ABCA5: variants seen among roughly 807,000 people sequenced by gnomAD.
The protein encoded by ABCA5 is ATP binding cassette subfamily A member 5.
ABCA5 carries 163 observed loss-of-function variants against 206.0 expected under a neutral mutation model. The observed-to-expected ratio is 0.79, with a 90% CI of 0.70 to 0.90. The LOEUF (loss-of-function observed/expected upper bound fraction) is 0.90. Among genes scored for constraint, ABCA5 ranks in the 40% least tolerant of loss-of-function variants. The pLI is 0.00. For synonymous variants in ABCA5, 609 were observed against 613.8 expected (o/e 0.99, Z 0.11); for missense variants, 1,859 against 1,912.9 (o/e 0.97, Z 0.53).
At chr17:69,281,691 T>C (rs974594958) in intron 18 of ABCA5, among the ~76,000 whole-genome samples, 63 of 152,308 alleles carry the variant, frequency 4.1e-4, no homozygotes, top group African/African-American at 1.5e-3. Flanking sequence ...CAGTTAGCAA[T>C]GCTGACAAAT....
intron 15 of ABCA5, 138 bp from the exon 16 acceptor site, chr17:69,286,449 G>C (rs894716611): frequency 1.4e-6 from 1 of 713,058 alleles, no homozygotes; most frequent in South Asian, 1.9e-5. Context: ...TATGAGGATG[G>C]TACTAGATTA....
intron 19 of ABCA5, among the ~76,000 whole-genome samples, chr17:69,274,839 C>CTTTTTTTTATTTTTTTTTT (rs2075313058): frequency 2.3e-5 from 2 of 85,754 alleles, no homozygotes; most frequent in African/African-American, 4.4e-5. Context: ...TAACCATTTA[C>CTTTTTTTTATTTTTTTTTT]TTTTTTTTTT....
At chr17:69,300,174 A>C (rs1334474389) in intron 9 of ABCA5, among the ~76,000 whole-genome samples, 1 of 152,176 alleles carries the variant, frequency 6.6e-6, no homozygotes, top group East Asian at 1.9e-4. Flanking sequence ...TCTGGGGGTG[A>C]TGGGAGACAG....
At chr17:69,276,651 T>C (rs1474332461) in intron 19 of ABCA5, among the ~76,000 whole-genome samples, 1 of 151,934 alleles carries the variant, frequency 6.6e-6, no homozygotes, top group Non-Finnish European at 1.5e-5. Context: ...CCGGGGCCTG[T>C]TGGAGGGTTG....
intron 5 of ABCA5, among the ~76,000 whole-genome samples, 177 bp from the exon 6 acceptor site, chr17:69,307,131 T>G (rs746648771): frequency 2.6e-5 from 4 of 152,062 alleles, no homozygotes; most frequent in African/African-American, 9.7e-5. Context: ...GAGTAGAATA[T>G]TGCATTCAAT....
Position 69,251,813 on chromosome 17 carries a change from G to C in ABCA5, c.4469C>G (p.Thr1490Ser). The C allele has an allele frequency of 6.2e-7, 1 of 1,614,020 alleles. No individual in the cohort carries two copies. The highest frequency in any genetic ancestry group is 8.5e-7 in the Non-Finnish European group (1 of 1,179,986). Residue 1490 changes from threonine to serine, a missense_variant, in exon 35 of 39, where the codon ACT becomes AGT. Physicochemically the swap from Thr to Ser is moderately conservative, Grantham distance 58. Coordinates refer to ENST00000392676, the MANE Select transcript of ABCA5 (RefSeq NM_172232.4). ...AGCCTCTGCCTCCTCCATATAGTGA[G>C]TGGTCAGAATAGCAGCCCGCTTTCT... is the stretch of plus-strand genomic sequence containing the variant. ...KNRKRAAILT[T>S]HYMEEAEAVC...
At chr17:69,320,054 G>A (rs1393359907) in intron 1 of ABCA5, among the ~76,000 whole-genome samples, 1 of 152,138 alleles carries the variant, frequency 6.6e-6, no homozygotes, top group African/African-American at 2.4e-5. Flanking sequence ...TTGTTAAAAT[G>A]ACTAAAAGAA....
At chr17:69,270,476 T>A (rs562112055) in intron 22 of ABCA5, 137 bp downstream of exon 22, 2 of 758,818 alleles carry the variant, frequency 2.6e-6, no homozygotes, top group African/African-American at 3.7e-5. Flanking sequence ...GTAAACCGTT[T>A]CTCACTTGAG....
At chr17:69,280,776 T>C (rs950625635) in intron 18 of ABCA5, among the ~76,000 whole-genome samples, 1 of 151,620 alleles carries the variant, frequency 6.6e-6, no homozygotes, top group African/African-American at 2.4e-5. Context: ...CAGTAAACTA[T>C]TGCAAGAACA....
At chr17:69,310,898 C>T (rs2075762123) in intron 3 of ABCA5, among the ~76,000 whole-genome samples, 1 of 152,146 alleles carries the variant, frequency 6.6e-6, no homozygotes, top group African/African-American at 2.4e-5. Context: ...CATCAAAACG[C>T]TTTGTAGGCT....
rs2075529542 is a variant in ABCA5 at position 69,291,848 on chromosome 17, C to T, written c.1496-522G>A. On this transcript the variant is annotated intron_variant, in intron 11 of 38. Coordinates refer to ENST00000392676, the MANE Select transcript of ABCA5 (RefSeq NM_172232.4). ...ACTAGGCTGGCCAGGCACAGTGGCTCGTGCCTGTAATCCCAACACTTTGGG... is the reference window on the plus strand; with the variant it reads ...ACTAGGCTGGCCAGGCACAGTGGCTTGTGCCTGTAATCCCAACACTTTGGG... Among the ~76,000 whole-genome samples the T allele has an allele frequency of 5.9e-5, 9 of 152,208 alleles. 1 individual carries two copies. In the South Asian group the frequency reaches 1.7e-3, roughly 28 times the overall value.
intron 19 of ABCA5, among the ~76,000 whole-genome samples, chr17:69,275,177 T>C (rs1334177357): frequency 2.0e-5 from 3 of 152,152 alleles, no homozygotes; most frequent in South Asian, 4.1e-4. Context: ...AAAAATATTT[T>C]AGATATAGAG....
At chr17:69,271,540 G>A (rs1274322957) in intron 20 of ABCA5, among the ~76,000 whole-genome samples, 3 of 152,040 alleles carry the variant, frequency 2.0e-5, no homozygotes, top group Non-Finnish European at 2.9e-5. Flanking sequence ...GGTAAAATAA[G>A]TATATCTGCC....
rs540815712 is a variant in ABCA5, at chr17:69,261,287, T to C, written c.3430-28A>G. ...AAAGAAAAAAATAAATAAATAAAAG[T>C]GACAAAGTGTTTAGAAACTTCTTAC... On this transcript the variant is annotated intron_variant, in intron 25 of 38. Transcript: ENST00000392676. 184 of 1,572,878 alleles carry C rather than the reference T, an allele frequency of 1.2e-4. No homozygotes were observed. In the South Asian group the frequency reaches 2.1e-3, roughly 18 times the overall value.
chr17:69,250,623 T>C lies in ABCA5; in HGVS notation c.4536-2A>G. 6.5e-7 allele frequency: 1 copy of C among 1,536,976 alleles called. No individual in the cohort carries two copies. Among genetic ancestry groups the C allele is most frequent in the Non-Finnish European group, 8.7e-7 (1 of 1,147,538 alleles). On this transcript the variant is annotated splice_acceptor_variant, in intron 35 of 38. Transcript: ENST00000392676. LOFTEE classifies it high-confidence loss of function. ...AGATGTTGTACTGTTCCGATACATCTGAAGTAATTTTTTAAAAGAAAGCTC... is the reference window on the plus strand; with the variant it reads ...AGATGTTGTACTGTTCCGATACATCCGAAGTAATTTTTTAAAAGAAAGCTC...
rs551203411 is a variant in ABCA5, at chr17:69,313,014, T to C, written c.307+78A>G. 15 of 938,082 alleles carry C rather than the reference T, an allele frequency of 1.6e-5. No individual in the cohort carries two copies. In the East Asian group the frequency reaches 3.0e-4, roughly 19 times the overall value. 58.1% of individuals were successfully genotyped at this position (938,082 alleles called of 1,614,324 possible). ...ACATCTCTAAGTGTTAAGACTGCTA[T>C]TCATTCAATAAAGCAAGCTGATAAA... On this transcript the variant is annotated intron_variant, in intron 3 of 38. Transcript: ENST00000392676.
chr17:69,248,911 A>G (rs2074982273), intron 37 of ABCA5: 1 of 152,178 alleles, frequency 6.6e-6, no homozygotes, highest in Non-Finnish European at 1.5e-5. Context: ...AATATTTTGT[A>G]AAAACAGAGT....
chr17:69,247,296 C>T lies in ABCA5; in HGVS notation c.*241G>A, dbSNP rs2074961691. Reference sequence around the variant, plus strand: ...TGTTTCTGAATGGTGAAAAAGATGACATACAAACTATATAGTTCAATATAC... The same window carrying T: ...TGTTTCTGAATGGTGAAAAAGATGATATACAAACTATATAGTTCAATATAC... On this transcript the variant is annotated 3_prime_UTR_variant, in exon 39 of 39. Transcript: ENST00000392676. 6.6e-6 allele frequency: 2 copies of T among 300,772 alleles called. No individual in the cohort carries two copies. Among genetic ancestry groups the T allele is most frequent in the South Asian group, 1.9e-4 (2 of 10,592 alleles). 18.6% of individuals were successfully genotyped at this position (300,772 alleles called of 1,614,324 possible).
At chr17:69,274,839 C>CTGTTTT (rs2075312998) in intron 19 of ABCA5, among the ~76,000 whole-genome samples, 1 of 85,754 alleles carries the variant, frequency 1.2e-5, no homozygotes, top group Non-Finnish European at 2.2e-5. Flanking sequence ...TAACCATTTA[C>CTGTTTT]TTTTTTTTTT....
Sources: gnomAD v4.1 joint callset for allele counts (sites outside exome capture counted in the v4.1 genomes callset) on GRCh38, gnomAD v4.1.1 for gene constraint, MANE v1.5 for transcripts, NCBI Gene and HGNC (gene_info 2026-07-23, HGNC 2026-07-21) for gene names.